The following UCKL1 variants were observed in gnomAD, a reference collection of about 807,000 sequenced individuals.
UCKL1 encodes uridine-cytidine kinase-like 1.
Under a neutral mutation model 59.2 loss-of-function variants are expected in UCKL1, and 65 were observed. The observed-to-expected ratio is 1.10, with a 90% CI of 0.90 to 1.35. The LOEUF (loss-of-function observed/expected upper bound fraction) is 1.35. Ranked by LOEUF, UCKL1 falls within the 40% of genes most tolerant of loss-of-function variation. The pLI, the probability that UCKL1 is intolerant of heterozygous loss-of-function variation, is 0.00. For missense variants in UCKL1, 703 were observed against 784.3 expected (o/e 0.90, Z 1.24); for synonymous variants, 410 against 323.1 (o/e 1.27, Z -2.88).
At chr20:63,941,343 C>T (rs1465258377) in intron 8 of UCKL1, 135 bp from the exon 9 acceptor site, 1 of 1,352,894 alleles carries the variant, frequency 7.4e-7, no homozygotes. Flanking sequence ...GCGGGCCTGA[C>T]TTCTGCCTGG....
chr20:63,944,324 T>TG, intron 7 of UCKL1, 73 bp downstream of exon 7: 2 of 1,407,844 alleles, frequency 1.4e-6, no homozygotes, highest in Non-Finnish European at 1.9e-6. Flanking sequence ...ACCAGGCCAC[T>TG]GGGGGTGGTG....
At chr20:63,945,569 A>G (rs2146515025) in intron 5 of UCKL1, 82 bp downstream of exon 5, 2 of 1,439,814 alleles carry the variant, frequency 1.4e-6, no homozygotes, top group Non-Finnish European at 1.9e-6. Flanking sequence ...CCTTGGGGAC[A>G]GGGCAGGAGG....
rs756785783 is a variant in UCKL1 at position 63,946,663 on chromosome 20, C to T, written c.114-20G>A. 70 of 1,600,984 alleles carry T rather than the reference C, an allele frequency of 4.4e-5. No individual in the cohort carries two copies. The highest frequency in any genetic ancestry group is 1.8e-4 in the South Asian group (16 of 90,614). The stretch of plus-strand genomic sequence containing the variant: ...TTGCTGCTGCAGAGAGGGATGTACT[C>T]GGATGTGGCCCAGAGCTGCCCACCT... On this transcript the variant is annotated intron_variant, in intron 1 of 14. Transcript: ENST00000354216.
chr20:63,956,306 T>A lies in UCKL1; in HGVS notation c.67A>T (p.Thr23Ser). 6.4e-7 allele frequency: 1 copy of A among 1,557,998 alleles called. No homozygotes were observed. Reference protein sequence around the residue: ...SPTSPPTARDTPGRQAEKSET... With the variant: ...SPTSPPTARDSPGRQAEKSET... The stretch of plus-strand genomic sequence containing the variant: ...CTTTTCTCAGCCTGCCGGCCTGGTG[T>A]GTCTCGGGCCGTAGGTGGCGACGTG... The change falls in exon 1 of 15, where the codon ACA becomes TCA. Residue 23 changes from threonine (T) to serine (S), a missense_variant. By Grantham distance (58) the Thr-to-Ser change is moderately conservative. Transcript: ENST00000354216.
chr20:63,944,071 C>T (rs2055447671), intron 7 of UCKL1, among the ~76,000 whole-genome samples: 2 of 152,228 alleles, frequency 1.3e-5, no homozygotes, highest in Admixed American at 6.5e-5. Context: ...AGTGAAACCC[C>T]ACAATCCTGG....
intron 1 of UCKL1, chr20:63,955,473 G>C (rs1288727337): frequency 1.3e-5 from 2 of 152,256 alleles, no homozygotes; most frequent in Non-Finnish European, 2.9e-5. Context: ...GCCCATCTCT[G>C]AGGGAGTCCT....
At chr20:63,950,460 C>T (rs1463997958) in intron 1 of UCKL1, among the ~76,000 whole-genome samples, 1 of 152,164 alleles carries the variant, frequency 6.6e-6, no homozygotes, top group Admixed American at 6.5e-5. Flanking sequence ...GAGAAAGTTG[C>T]ACAGCAAACC....
At position 63,947,035 on chromosome 20, in the gene UCKL1, C is replaced by T. The variant is rs553920389; in HGVS notation, c.114-392G>A. Among the ~76,000 whole-genome samples the T allele has an allele frequency of 5.1e-4, 78 of 151,714 alleles. 1 individual carries two copies. Among genetic ancestry groups the T allele is most frequent in the Admixed American group, 3.0e-3 (46 of 15,242 alleles). On this transcript the variant is annotated intron_variant, in intron 1 of 14. Coordinates refer to ENST00000354216, the MANE Select transcript of UCKL1 (RefSeq NM_017859.4). ...GGAGGTGGAGATTGCAATGAGCTAT[C>T]GTGCCACTGCACTCCAGTCTGGGTG...
intron 1 of UCKL1, among the ~76,000 whole-genome samples, chr20:63,949,562 A>T (rs1264371263): frequency 6.6e-6 from 1 of 152,178 alleles, no homozygotes; most frequent in African/African-American, 2.4e-5. Context: ...GCAGGTGGTG[A>T]TGGATGGCCC....
chr20:63,946,435 C>T lies in UCKL1; in HGVS notation c.304+18G>A, dbSNP rs1425568564. The T allele has an allele frequency of 6.5e-7, 1 of 1,529,018 alleles. No homozygotes were observed. Among genetic ancestry groups the T allele is most frequent in the Non-Finnish European group, 8.8e-7 (1 of 1,135,558 alleles). 94.7% of individuals were successfully genotyped at this position (1,529,018 alleles called of 1,614,324 possible). ...GGCAGGCGTCCGGCAGCAGGTCCCA[C>T]CCCCCCGCTGCTCTCACCGATGGCG... On this transcript the variant is annotated intron_variant, in intron 2 of 14. Coordinates refer to ENST00000354216, the MANE Select transcript of UCKL1 (RefSeq NM_017859.4).
At chr20:63,948,573 G>A (rs1170318574) in intron 1 of UCKL1, 5 of 75,462 alleles carry the variant, frequency 6.6e-5, no homozygotes, top group South Asian at 5.1e-4. Context: ...GTGTGAGAGG[G>A]AGGGGATGTG....
At chr20:63,955,587 C>G (rs904017166) in intron 1 of UCKL1, 1 of 152,230 alleles carries the variant, frequency 6.6e-6, no homozygotes, top group African/African-American at 2.4e-5. Flanking sequence ...CCAAGGGACA[C>G]TTCAGACCCG....
intron 8 of UCKL1, chr20:63,942,665 G>GC (rs1387150413): frequency 2.0e-6 from 1 of 507,972 alleles, no homozygotes; most frequent in Non-Finnish European, 4.0e-6. Flanking sequence ...CCTCCCTCCT[G>GC]CCCCCGACCA....
At chr20:63,941,365 G>A in intron 8 of UCKL1, 157 bp from the exon 9 acceptor site, 3 of 1,179,698 alleles carry the variant, frequency 2.5e-6, no homozygotes, top group Non-Finnish European at 3.6e-6. Context: ...GCTGAGCTGG[G>A]GGGAGACGTC....
In UCKL1 at chr20:63,939,917, G is replaced by A. The variant is rs1047440011; in HGVS notation, c.*59C>T. On this transcript the variant is annotated 3_prime_UTR_variant, in exon 15 of 15. Transcript: ENST00000354216. Reference sequence around the variant, plus strand: ...TTAAAAATTAACATCTTTGTATTCAGCAGTCCTGGGTCAGGAGGCAGGAGG... The same window carrying A: ...TTAAAAATTAACATCTTTGTATTCAACAGTCCTGGGTCAGGAGGCAGGAGG... 3.7e-6 allele frequency: 5 copies of A among 1,363,830 alleles called. No homozygotes were observed. In the African/African-American group the frequency reaches 5.7e-5, roughly 16 times the overall value. 84.5% of individuals were successfully genotyped at this position (1,363,830 alleles called of 1,614,324 possible).
Position 63,956,324 on chromosome 20 carries a change from G to A in UCKL1, c.49C>T (p.Pro17Ser). 1 of 1,553,890 alleles carries A rather than the reference G, an allele frequency of 6.4e-7. No individual in the cohort carries two copies. Among genetic ancestry groups the A allele is most frequent in the South Asian group, 1.2e-5 (1 of 84,778 alleles). Reference protein sequence around the residue: ...RADADPSPTSPPTARDTPGRQ... With the variant: ...RADADPSPTSSPTARDTPGRQ... ...CCTGGTGTGTCTCGGGCCGTAGGTGGCGACGTGGGCGAAGGATCAGCGTCC... is the reference window on the plus strand; with the variant it reads ...CCTGGTGTGTCTCGGGCCGTAGGTGACGACGTGGGCGAAGGATCAGCGTCC... The change falls in exon 1 of 15, where the codon CCA becomes TCA. Residue 17 changes from proline to serine, a missense_variant. Pro to Ser is a moderately conservative substitution (Grantham distance 74). Transcript: ENST00000354216.
chr20:63,956,142 C>G (rs1293045856), intron 1 of UCKL1, 118 bp downstream of exon 1: 8 of 1,013,592 alleles, frequency 7.9e-6, no homozygotes, highest in Non-Finnish European at 1.1e-5. Context: ...GCGCCGCCGC[C>G]TGGCCTCCGG....
chr20:63,956,323 G>C lies in UCKL1; in HGVS notation c.50C>G (p.Pro17Arg). 6.4e-7 allele frequency: 1 copy of C among 1,553,840 alleles called. No homozygotes were observed. Among genetic ancestry groups the C allele is most frequent in the Non-Finnish European group, 8.7e-7 (1 of 1,153,576 alleles). Residue 17 changes from proline (P) to arginine (R), a missense_variant, in exon 1 of 15, where the codon CCA (proline) becomes CGA (arginine). By Grantham distance (103) the Pro-to-Arg change is moderately radical. Around this residue, in one of 4 missense-constraint regions of UCKL1, gnomAD observed 398 missense variants for 373.0 expected, o/e 1.07. Coordinates refer to ENST00000354216, the MANE Select transcript of UCKL1 (RefSeq NM_017859.4). ...GCCTGGTGTGTCTCGGGCCGTAGGT[G>C]GCGACGTGGGCGAAGGATCAGCGTC... Reference protein sequence around the residue: ...RADADPSPTSPPTARDTPGRQ... With the variant: ...RADADPSPTSRPTARDTPGRQ...
intron 1 of UCKL1, among the ~76,000 whole-genome samples, chr20:63,949,251 AAAC>A (rs745618349): frequency 3.6e-4 from 55 of 152,086 alleles, no homozygotes; most frequent in Non-Finnish European, 6.5e-4. Context: ...GGCTGAGCAC[AAAC>A]AACAAGGCCA....
Sources: allele counts gnomAD v4.1 joint callset (sites outside exome capture counted in the v4.1 genomes callset), GRCh38; gene constraint gnomAD v4.1.1; regional missense constraint gnomAD v4.1.1; transcripts MANE v1.5; gene names NCBI Gene and HGNC (gene_info 2026-07-23, HGNC 2026-07-21).